Variants in PARN observed in about 807,000 individuals in gnomAD.
The protein encoded by PARN is poly(A)-specific ribonuclease, also known as poly(A)-specific ribonuclease PARN.
Under a neutral mutation model 102.8 loss-of-function variants are expected in PARN, and 71 were observed. The observed-to-expected ratio is 0.69, with a 90% CI of 0.57 to 0.84. The LOEUF (loss-of-function observed/expected upper bound fraction) is 0.84. Ranked by LOEUF, PARN falls within the 40% of genes least tolerant of loss-of-function variation. The probability of loss-of-function intolerance (pLI) is 0.00; values close to 1 mark genes in which losing one functional copy is unlikely to be tolerated. For synonymous variants in PARN, 261 were observed against 252.9 expected (o/e 1.03, Z -0.30); for missense variants, 782 against 760.9 (o/e 1.03, Z -0.33).
At chr16:14,524,227 T>G (rs1965881489) in intron 21 of PARN, among the ~76,000 whole-genome samples, 1 of 152,208 alleles carries the variant, frequency 6.6e-6, no homozygotes, top group Admixed American at 6.5e-5. Flanking sequence ...AGCTACCTGG[T>G]TATGACTTCT....
chr16:14,437,178 G>C (rs946743582), intron 23 of PARN, among the ~76,000 whole-genome samples: 42 of 152,198 alleles, frequency 2.8e-4, no homozygotes, highest in Non-Finnish European at 4.3e-4. Flanking sequence ...TTTTACAGAT[G>C]CAAGAACAGA....
intron 23 of PARN, among the ~76,000 whole-genome samples, chr16:14,440,909 G>A (rs560247854): frequency 4.1e-4 from 63 of 152,268 alleles, no homozygotes; most frequent in African/African-American, 1.4e-3. Flanking sequence ...GAGTGATGGA[G>A]TTGTATATCG....
intron 21 of PARN, among the ~76,000 whole-genome samples, chr16:14,487,433 CACT>C (rs1963774845): frequency 6.6e-6 from 1 of 152,046 alleles, no homozygotes; most frequent in Non-Finnish European, 1.5e-5. Flanking sequence ...AAGAACTTTC[CACT>C]ACTGTCAAGC....
chr16:14,629,514 A>C (rs1029381163), intron 2 of PARN, 83 bp downstream of exon 2: 1 of 1,003,502 alleles, frequency 1.0e-6, no homozygotes, highest in South Asian at 1.3e-5. Context: ...ACCACCAAGC[A>C]TAAGAAGTTG....
intron 22 of PARN, among the ~76,000 whole-genome samples, chr16:14,477,829 A>AGGAAG (rs927602090): frequency 4.6e-5 from 7 of 151,912 alleles, no homozygotes; most frequent in African/African-American, 1.2e-4. Context: ...GAGAAGGGAA[A>AGGAAG]GGAAGGGAAG....
intron 22 of PARN, among the ~76,000 whole-genome samples, chr16:14,449,734 A>T (rs1961368791): frequency 6.6e-6 from 1 of 152,254 alleles, no homozygotes; most frequent in Non-Finnish European, 1.5e-5. Flanking sequence ...AACACATGAA[A>T]AAATGTTCAA....
At chr16:14,628,452 T>C (rs1028990987) in intron 2 of PARN, among the ~76,000 whole-genome samples, 2 of 152,336 alleles carry the variant, frequency 1.3e-5, no homozygotes, top group East Asian at 3.9e-4. Flanking sequence ...GAGATGCGAA[T>C]GTTTCAACAT....
chr16:14,523,537 G>A (rs1596568551), intron 21 of PARN, among the ~76,000 whole-genome samples: 1 of 152,164 alleles, frequency 6.6e-6, no homozygotes, highest in Admixed American at 6.6e-5. Context: ...AGCAATCTCT[G>A]CTTTCTGCCC....
chr16:14,508,482 A>G (rs1305134363), intron 21 of PARN, among the ~76,000 whole-genome samples: 2 of 152,182 alleles, frequency 1.3e-5, no homozygotes, highest in Non-Finnish European at 2.9e-5. Context: ...TTGTTATTAT[A>G]GTGACCTGAT....
Position 14,436,765 on chromosome 16 carries a change from G to C in PARN, c.1872C>G (p.Ile624Met). The C allele has an allele frequency of 1.9e-6, 3 of 1,589,954 alleles. No individual in the cohort carries two copies. Among genetic ancestry groups the C allele is most frequent in the Non-Finnish European group, 2.6e-6 (3 of 1,167,972 alleles). ...MKKELSPAGS[I>M]SKNSPATLFE... ...AGAGTGTGGCAGGGCTGTTCTTCGA[G>C]ATGCTTCCTGGTGGGAAAGAACAAA... The change falls in exon 24 of 24, where the codon ATC becomes ATG. Residue 624 changes from isoleucine to methionine, a missense_variant. Transcript: ENST00000437198.
intron 5 of PARN, among the ~76,000 whole-genome samples, chr16:14,620,086 A>AC (rs1972203737): frequency 6.7e-6 from 1 of 148,790 alleles, no homozygotes; most frequent in Non-Finnish European, 1.5e-5. Flanking sequence ...AAAAAAAAAA[A>AC]AAAAACACTG....
intron 21 of PARN, among the ~76,000 whole-genome samples, chr16:14,504,566 A>C (rs2151629327): frequency 6.6e-6 from 1 of 152,294 alleles, no homozygotes; most frequent in South Asian, 2.1e-4. Context: ...CTCAAAAAAT[A>C]AATAAATAAA....
At chr16:14,592,525 C>G (rs1970262411) in intron 13 of PARN, among the ~76,000 whole-genome samples, 1 of 152,188 alleles carries the variant, frequency 6.6e-6, no homozygotes, top group Admixed American at 6.5e-5. Flanking sequence ...GTAGAGGAAC[C>G]AAAGCAGCTT....
chr16:14,539,179 C>T (rs1284002792), intron 21 of PARN, among the ~76,000 whole-genome samples: 2 of 152,222 alleles, frequency 1.3e-5, no homozygotes, highest in Admixed American at 1.3e-4. Context: ...AACTGTCTTT[C>T]ACAAAACCAG....
chr16:14,538,136 C>T (rs1966692618), intron 21 of PARN, among the ~76,000 whole-genome samples: 1 of 151,286 alleles, frequency 6.6e-6, no homozygotes, highest in African/African-American at 2.4e-5. Flanking sequence ...AGTAAAGAAA[C>T]AGGAAATACC....
At chr16:14,474,929 C>A (rs1242934999) in intron 22 of PARN, among the ~76,000 whole-genome samples, 1 of 152,182 alleles carries the variant, frequency 6.6e-6, no homozygotes, top group Admixed American at 6.5e-5. Context: ...TTTTCCTCAC[C>A]TTCTAATGTA....
chr16:14,575,681 A>T (rs1453883723), intron 18 of PARN, among the ~76,000 whole-genome samples: 1 of 152,132 alleles, frequency 6.6e-6, no homozygotes. Flanking sequence ...TGGACTGTGG[A>T]CTTTTAAGTT....
intron 22 of PARN, among the ~76,000 whole-genome samples, chr16:14,475,741 C>T (rs1003310375): frequency 1.1e-4 from 16 of 152,204 alleles, no homozygotes; most frequent in African/African-American, 3.9e-4. Context: ...GTCTTCCTCT[C>T]GACCATAGTG....
intron 18 of PARN, among the ~76,000 whole-genome samples, chr16:14,568,214 CTT>C (rs543071760): frequency 2.5e-4 from 35 of 139,452 alleles, no homozygotes; most frequent in Admixed American, 4.3e-4. Context: ...TTATTTTTAC[CTT>C]TTTTTTTTTT....
Sources: gnomAD v4.1 joint callset for allele counts (sites outside exome capture counted in the v4.1 genomes callset) on GRCh38, gnomAD v4.1.1 for gene constraint, MANE v1.5 for transcripts, NCBI Gene and HGNC (gene_info 2026-07-23, HGNC 2026-07-21) for gene names.